The following ELP5 variants were observed in gnomAD, a reference collection of about 807,000 sequenced individuals.
ELP5 encodes the protein elongator complex protein 5.
Under a neutral mutation model 33.4 loss-of-function variants are expected in ELP5, and 34 were observed. The ratio of observed to expected loss-of-function variants is 1.02; its 90% CI spans 0.78 to 1.36. ELP5 has a LOEUF of 1.36. Ranked by LOEUF, ELP5 falls within the 40% of genes most tolerant of loss-of-function variation. ELP5 has a pLI of 0.00. For missense variants in ELP5, 373 were observed against 371.7 expected (o/e 1.00, Z -0.03); for synonymous variants, 161 against 146.4 (o/e 1.10, Z -0.72).
In ELP5 at chr17:7,258,677, A is replaced by C. The variant is rs929758239; in HGVS notation, c.681A>C (p.Ile227=). The C allele has an allele frequency of 1.2e-6, 2 of 1,613,664 alleles. No homozygotes were observed. Among genetic ancestry groups the C allele is most frequent in the Non-Finnish European group, 8.5e-7 (1 of 1,180,012 alleles). ...CCCAGCCCTACTCCGATCCTCATAT[A>C]CCCCCGGTATCTAAGAATGCCAAGG... ...VESQPYSDPH[I]PPVDPTTHLT... Residue 227 remains isoleucine, a synonymous_variant, in exon 6 of 8, where the codon ATA becomes ATC. Transcript: ENST00000396628.
At position 7,252,427 on chromosome 17, in the gene ELP5, C is replaced by G; in HGVS notation, c.-124C>G. On this transcript the variant is annotated 5_prime_UTR_variant, in exon 1 of 8. Transcript: ENST00000396628. ...GAACATAATCACCTCTCATTCCAGA[C>G]TATGTTAGGTCTTAATGGTGGGAGG... 7.0e-7 allele frequency: 1 copy of G among 1,427,018 alleles called. No individual in the cohort carries two copies. The highest frequency in any genetic ancestry group is 9.8e-7 in the Non-Finnish European group (1 of 1,024,640). 88.4% of individuals were successfully genotyped at this position (1,427,018 alleles called of 1,614,324 possible). A position where few individuals can be genotyped will look rare whatever the true frequency, so the allele number is the denominator to read the frequency against.
chr17:7,254,803 G>C lies in ELP5; in HGVS notation c.409G>C (p.Gly137Arg), dbSNP rs1326429762. The change falls in exon 4 of 8, where the codon GGT becomes CGT. Residue 137 changes from glycine to arginine, a missense_variant and splice_region_variant. Physicochemically the swap from Gly to Arg is moderately radical, Grantham distance 125 (BLOSUM62 -2). Coordinates refer to ENST00000396628, the MANE Select transcript of ELP5 (RefSeq NM_203414.3). Reference sequence around the variant, plus strand: ...TGTGAGCCATCAGGACTCTTGTCCTGGTGAGACCCCTCCTTCATTGTTTCC... The same window carrying C: ...TGTGAGCCATCAGGACTCTTGTCCTCGTGAGACCCCTCCTTCATTGTTTCC... ...HAVSHQDSCP[G>R]DSSSVGKVSV... 6.2e-7 allele frequency: 1 copy of C among 1,613,322 alleles called. No individual in the cohort carries two copies. Among genetic ancestry groups the C allele is most frequent in the East Asian group, 2.2e-5 (1 of 44,894 alleles).
At chr17:7,258,950 G>C in intron 7 of ELP5, 24 bp downstream of exon 7, 1 of 1,614,008 alleles carries the variant, frequency 6.2e-7, no homozygotes, top group Non-Finnish European at 8.5e-7. Context: ...CTGGGTACGT[G>C]GATCCCTGAG....
At position 7,252,450 on chromosome 17, in the gene ELP5, A is replaced by T; in HGVS notation, c.-101A>T. 1 of 1,554,788 alleles carries T rather than the reference A, an allele frequency of 6.4e-7. No individual in the cohort carries two copies. Among genetic ancestry groups the T allele is most frequent in the Non-Finnish European group, 8.8e-7 (1 of 1,133,256 alleles). On this transcript the variant is annotated 5_prime_UTR_variant, in exon 1 of 8. Transcript: ENST00000396628. ...GACTATGTTAGGTCTTAATGGTGGG[A>T]GGACGCCCGAGTGCTCGGCCCGTTT...
rs375545737 is a variant in ELP5, at chr17:7,252,459, G to A, written c.-92G>A. The stretch of plus-strand genomic sequence containing the variant: ...AGGTCTTAATGGTGGGAGGACGCCC[G>A]AGTGCTCGGCCCGTTTCACCCCGAG... On this transcript the variant is annotated 5_prime_UTR_variant, in exon 1 of 8. Coordinates refer to ENST00000396628, the MANE Select transcript of ELP5 (RefSeq NM_203414.3). 7 of 1,587,170 alleles carry A rather than the reference G, an allele frequency of 4.4e-6. No homozygotes were observed. The highest frequency in any genetic ancestry group is 1.3e-5 in the African/African-American group (1 of 74,556).
chr17:7,259,822 T>C lies in ELP5; in HGVS notation c.*137T>C. ...TCCCCTTGTCTATGGAGCCCCGCCTTGTGAGCCAGGAAGCAGCGTCTCATC... is the reference window on the plus strand; with the variant it reads ...TCCCCTTGTCTATGGAGCCCCGCCTCGTGAGCCAGGAAGCAGCGTCTCATC... On this transcript the variant is annotated 3_prime_UTR_variant, in exon 8 of 8. Transcript: ENST00000396628. The C allele has an allele frequency of 2.1e-6, 3 of 1,449,154 alleles. No individual in the cohort carries two copies. Among genetic ancestry groups the C allele is most frequent in the East Asian group, 2.5e-5 (1 of 40,206 alleles). The allele number at this position is 1,449,154 out of a possible 1,614,324, so 89.8% of individuals were successfully genotyped here.
rs1225003189 is a variant in ELP5 at position 7,254,645 on chromosome 17, C to T, written c.251C>T (p.Pro84Leu). The T allele has an allele frequency of 6.2e-7, 1 of 1,614,076 alleles. No individual in the cohort carries two copies. Among genetic ancestry groups the T allele is most frequent in the Non-Finnish European group, 8.5e-7 (1 of 1,180,016 alleles). ...LNWSKTEEAF[P>L]GGPLGALRAM... ...TGGTCAAAAACTGAGGAGGCCTTTC[C>T]TGGGGGGCCGCTGGGAGCCTTGAGA... Residue 84 changes from proline (P) to leucine (L), a missense_variant, in exon 4 of 8, where the codon CCT becomes CTT. By Grantham distance (98) the Pro-to-Leu change is moderately conservative. Coordinates refer to ENST00000396628, the MANE Select transcript of ELP5 (RefSeq NM_203414.3).
chr17:7,254,918 A>AT (rs1033869744), intron 4 of ELP5, 115 bp downstream of exon 4: 6 of 760,110 alleles, frequency 7.9e-6, no homozygotes, highest in East Asian at 6.6e-5. Flanking sequence ...ACCTTTTTTC[A>AT]TTTTTTTGAC....
intron 5 of ELP5, 125 bp from the exon 6 acceptor site, chr17:7,258,463 A>AG: frequency 1.1e-6 from 1 of 923,946 alleles, no homozygotes; most frequent in East Asian, 2.4e-5. Context: ...AAAAAAAAAA[A>AG]AGTTGAGGGC....
chr17:7,258,717 T>C, intron 6 of ELP5, 34 bp downstream of exon 6: 1 of 1,613,612 alleles, frequency 6.2e-7, no homozygotes, highest in Non-Finnish European at 8.5e-7. Context: ...AACAAGGAAA[T>C]GTAGTTTAGT....
At chr17:7,252,658 G>C (rs1567590277) in intron 1 of ELP5, 62 bp downstream of exon 1, 1 of 1,603,596 alleles carries the variant, frequency 6.2e-7, no homozygotes, top group Non-Finnish European at 8.5e-7. Flanking sequence ...TGAGGGGACG[G>C]AAGTGGGCAG....
At chr17:7,253,051 G>C (rs1242232171) in intron 3 of ELP5, 53 bp downstream of exon 3, 5 of 1,573,798 alleles carry the variant, frequency 3.2e-6, no homozygotes, top group Non-Finnish European at 4.4e-6. Context: ...TAATGCTAAG[G>C]AAATTTCTTT....
chr17:7,259,318 G>C (rs1346569388), intron 7 of ELP5: 2 of 1,391,988 alleles, frequency 1.4e-6, no homozygotes, highest in South Asian at 1.6e-5. Context: ...GGCGGATGAC[G>C]CAAGACTACA....
In ELP5 at chr17:7,252,609, G is replaced by A. The variant is rs1358664220; in HGVS notation, c.46+13G>A. The A allele has an allele frequency of 9.3e-6, 15 of 1,610,320 alleles. No homozygotes were observed. Among genetic ancestry groups the A allele is most frequent in the South Asian group, 3.3e-5 (3 of 90,764 alleles). On this transcript the variant is annotated intron_variant, in intron 1 of 7. Transcript: ENST00000396628. ...GTGCTGCTTCGGGGTGAGAGCCAGA[G>A]GCACGGTGGCGGGGCGGGGGGTGCG...
chr17:7,253,883 G>C (rs1415039281), intron 3 of ELP5, among the ~76,000 whole-genome samples: 1 of 152,026 alleles, frequency 6.6e-6, no homozygotes, highest in Non-Finnish European at 1.5e-5. Flanking sequence ...TGTAATTCCA[G>C]CTACTCAGGA....
chr17:7,257,543 G>C (rs1408818821), intron 5 of ELP5, among the ~76,000 whole-genome samples: 1 of 144,068 alleles, frequency 6.9e-6, no homozygotes, highest in Non-Finnish European at 1.5e-5. Context: ...TGATCCTCCT[G>C]CCTCAGCCTC....
rs1567590445 is a variant in ELP5, at chr17:7,252,835, G to C, written c.107+5G>C. The C allele has an allele frequency of 1.2e-6, 2 of 1,614,156 alleles. No individual in the cohort carries two copies. Among genetic ancestry groups the C allele is most frequent in the Non-Finnish European group, 1.7e-6 (2 of 1,179,964 alleles). ...TGTCAAGAAATCTGCACTGTGGTGAGTATCCCACAGTGTCTCCCCGGCCTA... is the reference window on the plus strand; with the variant it reads ...TGTCAAGAAATCTGCACTGTGGTGACTATCCCACAGTGTCTCCCCGGCCTA... On this transcript the variant is annotated splice_donor_5th_base_variant and intron_variant, in intron 2 of 7. Transcript: ENST00000396628.
At chr17:7,253,766 C>G (rs188450534) in intron 3 of ELP5, among the ~76,000 whole-genome samples, 1 of 152,040 alleles carries the variant, frequency 6.6e-6, no homozygotes, top group African/African-American at 2.4e-5. Flanking sequence ...GAGGCTGAGG[C>G]GGGTGGATCA....
intron 4 of ELP5, 60 bp downstream of exon 4, chr17:7,254,863 C>G: frequency 7.0e-7 from 1 of 1,437,920 alleles, no homozygotes; most frequent in Admixed American, 1.7e-5. Context: ...GAGTGTGCCC[C>G]TTTTCCTTTC....
Sources: allele counts gnomAD v4.1 joint callset (sites outside exome capture counted in the v4.1 genomes callset), GRCh38; gene constraint gnomAD v4.1.1; transcripts MANE v1.5; gene names NCBI Gene and HGNC (gene_info 2026-07-23, HGNC 2026-07-21).